GALNT2: variants seen among roughly 807,000 people sequenced by gnomAD.
GALNT2 encodes UDP-GalNAc:polypeptide N-acetylgalactosaminyltransferase 2.
GALNT2 carries 31 observed loss-of-function variants against 81.4 expected under a neutral mutation model. The ratio of observed to expected loss-of-function variants is 0.38; its 90% CI spans 0.29 to 0.51. The LOEUF (loss-of-function observed/expected upper bound fraction) is 0.51, where lower values mean the gene tolerates loss of function less well. GALNT2 is among the 20% of genes least tolerant of loss of function. The pLI, the probability that GALNT2 is intolerant of heterozygous loss-of-function variation, is 0.87. For synonymous variants in GALNT2, 303 were observed against 287.4 expected (o/e 1.05, Z -0.55); for missense variants, 629 against 765.7 (o/e 0.82, Z 2.11).
chr1:230,263,654 C>G (rs986385017), intron 13 of GALNT2: 1 of 152,370 alleles, frequency 6.6e-6, no homozygotes, highest in Non-Finnish European at 1.5e-5. Context: ...TGCTGATAAC[C>G]TCGTGAGAAG....
chr1:230,120,546 C>T (rs959136446), intron 1 of GALNT2, among the ~76,000 whole-genome samples: 4 of 152,158 alleles, frequency 2.6e-5, no homozygotes, highest in Non-Finnish European at 5.9e-5. Flanking sequence ...CGGGCCTCTC[C>T]CCTCCAGTGT....
chr1:230,082,324 G>C (rs561445462), intron 1 of GALNT2, among the ~76,000 whole-genome samples: 1 of 152,320 alleles, frequency 6.6e-6, no homozygotes, highest in Admixed American at 6.5e-5. Flanking sequence ...AAGTTTCCAG[G>C]GGCACCGTAG....
chr1:230,185,527 C>T (rs953741682), intron 2 of GALNT2, among the ~76,000 whole-genome samples: 1 of 151,986 alleles, frequency 6.6e-6, no homozygotes, highest in African/African-American at 2.4e-5. Flanking sequence ...TCTCAGCTTC[C>T]CCCTCTCCAC....
At chr1:230,264,846 C>A in intron 13 of GALNT2, 1 of 159,604 alleles carries the variant, frequency 6.3e-6, no homozygotes, top group Non-Finnish European at 1.4e-5. Context: ...CCCGTCTTTA[C>A]TGGATAAAGG....
intron 4 of GALNT2, 56 bp from the exon 5 acceptor site, chr1:230,236,297 C>T: frequency 1.3e-6 from 2 of 1,555,022 alleles, no homozygotes; most frequent in Non-Finnish European, 1.8e-6. Flanking sequence ...CTACCCCAGG[C>T]TAAAAGTTTA....
chr1:230,279,615 T>C lies in GALNT2; in HGVS notation c.*157T>C. 1.1e-6 allele frequency: 1 copy of C among 910,806 alleles called. No homozygotes were observed. Among genetic ancestry groups the C allele is most frequent in the Non-Finnish European group, 1.6e-6 (1 of 615,734 alleles). The allele number at this position is 910,806 out of a possible 1,614,324, so 56.4% of individuals were successfully genotyped here. A position where few individuals can be genotyped will look rare whatever the true frequency, so the allele number is the denominator to read the frequency against. ...CAAACTTCGGCAAGGCACGGACGAC[T>C]GTGCAGACACAGCAGCGGCAAGAAG... is the stretch of plus-strand genomic sequence containing the variant. On this transcript the variant is annotated 3_prime_UTR_variant, in exon 16 of 16. Transcript: ENST00000366672. The surrounding 1 kb of genome is among the most constrained non-coding windows in gnomAD (Gnocchi z 4.6).
chr1:230,274,339 G>C lies in GALNT2; in HGVS notation c.1441-106G>C, dbSNP rs1006479250. On this transcript the variant is annotated intron_variant, in intron 14 of 15. Coordinates refer to ENST00000366672, the MANE Select transcript of GALNT2 (RefSeq NM_004481.5). Reference sequence around the variant, plus strand: ...GTTGGCTCAGGGGTTCTGAATCTAAGCTCCACCCCGTGACCCATTTCCTTT... The same window carrying C: ...GTTGGCTCAGGGGTTCTGAATCTAACCTCCACCCCGTGACCCATTTCCTTT... 16 of 1,444,268 alleles carry C rather than the reference G, an allele frequency of 1.1e-5. No individual in the cohort carries two copies. The African/African-American group carries it at 2.0e-4, about 18-fold the overall frequency. 89.5% of individuals were successfully genotyped at this position (1,444,268 alleles called of 1,614,324 possible). A position where few individuals can be genotyped will look rare whatever the true frequency, so the allele number is the denominator to read the frequency against.
intron 3 of GALNT2, among the ~76,000 whole-genome samples, chr1:230,225,261 C>T (rs1664672231): frequency 6.6e-6 from 1 of 152,136 alleles, no homozygotes; most frequent in African/African-American, 2.4e-5. Flanking sequence ...CTTCCATTTC[C>T]AGTTTACATT....
intron 1 of GALNT2, among the ~76,000 whole-genome samples, chr1:230,092,825 T>G (rs751862624): frequency 5.9e-5 from 9 of 152,072 alleles, no homozygotes; most frequent in Non-Finnish European, 1.2e-4. Context: ...AGTTTAAAAA[T>G]CTGGGGTCAA....
intron 1 of GALNT2, among the ~76,000 whole-genome samples, chr1:230,162,052 G>C (rs773647835): frequency 1.3e-5 from 2 of 152,104 alleles, no homozygotes; most frequent in African/African-American, 4.8e-5. Context: ...AAATCTTGGC[G>C]CTTCCAGTTC....
At chr1:230,085,143 T>C (rs548411703) in intron 1 of GALNT2, among the ~76,000 whole-genome samples, 1 of 152,238 alleles carries the variant, frequency 6.6e-6, no homozygotes, top group South Asian at 2.1e-4. Flanking sequence ...TTAGCAAAAG[T>C]TTTTATTATT....
chr1:230,209,458 C>T (rs1664166196), intron 3 of GALNT2, among the ~76,000 whole-genome samples: 3 of 152,122 alleles, frequency 2.0e-5, no homozygotes, highest in Admixed American at 1.3e-4. Context: ...AGAACAGGGC[C>T]ACCTGCAAGC....
intron 1 of GALNT2, among the ~76,000 whole-genome samples, chr1:230,087,313 G>A (rs1433469401): frequency 6.6e-6 from 1 of 152,214 alleles, no homozygotes; most frequent in Non-Finnish European, 1.5e-5. Context: ...AATGAAATAT[G>A]TGCAGGGTGA....
At chr1:230,084,410 G>T (rs1162037879) in intron 1 of GALNT2, among the ~76,000 whole-genome samples, 1 of 152,114 alleles carries the variant, frequency 6.6e-6, no homozygotes, top group Non-Finnish European at 1.5e-5. Flanking sequence ...GAGATCCTGG[G>T]GCCAGAATGA....
chr1:230,168,457 G>A (rs1321864351), intron 1 of GALNT2, among the ~76,000 whole-genome samples: 1 of 152,194 alleles, frequency 6.6e-6, no homozygotes, highest in Non-Finnish European at 1.5e-5. Flanking sequence ...TCCTGTCCCC[G>A]GAGCTGAGCT....
chr1:230,175,283 G>GATA (rs1222978438), intron 1 of GALNT2, among the ~76,000 whole-genome samples: 1 of 152,186 alleles, frequency 6.6e-6, no homozygotes, highest in Non-Finnish European at 1.5e-5. Flanking sequence ...TTAGTTGAGG[G>GATA]AGGGAGGAAG....
intron 1 of GALNT2, among the ~76,000 whole-genome samples, chr1:230,155,594 C>A (rs1572027951): frequency 6.6e-6 from 1 of 152,272 alleles, no homozygotes; most frequent in East Asian, 1.9e-4. Context: ...AGGGACAGGG[C>A]AGGACTCTCC....
rs769786670 is a variant in GALNT2, at chr1:230,067,315, C to T, written c.35C>T (p.Ala12Val). Residue 12 changes from alanine to valine, a missense_variant, in exon 1 of 16, where the codon GCC (alanine) becomes GTC (valine). By Grantham distance (64) the Ala-to-Val change is moderately conservative. Around this residue, in one of 3 missense-constraint regions of GALNT2, gnomAD observed 62 missense variants for 47.3 expected, o/e 1.31. Coordinates refer to ENST00000366672, the MANE Select transcript of GALNT2 (RefSeq NM_004481.5). ...RRRSRMLLCF[A>V]FLWVLGIAYY... ...CGCTCGCGGATGCTGCTCTGCTTCG[C>T]CTTCCTGTGGGTGCTGGGCATCGCC... 5.1e-6 allele frequency: 7 copies of T among 1,385,362 alleles called. No individual in the cohort carries two copies. The highest frequency in any genetic ancestry group is 5.7e-6 in the Non-Finnish European group (6 of 1,056,164). The allele number at this position is 1,385,362 out of a possible 1,614,324, so 85.8% of individuals were successfully genotyped here. A position where few individuals can be genotyped will look rare whatever the true frequency, so the allele number is the denominator to read the frequency against.
At chr1:230,064,006 T>C (rs1399697726), upstream of GALNT2, among the ~76,000 whole-genome samples, 3 of 152,252 alleles carry the variant, frequency 2.0e-5, no homozygotes, top group Non-Finnish European at 2.9e-5. Flanking sequence ...TTATTTGGTA[T>C]GTATTCTTTG....
Sources: allele counts gnomAD v4.1 joint callset (sites outside exome capture counted in the v4.1 genomes callset), GRCh38; gene constraint gnomAD v4.1.1; regional missense constraint gnomAD v4.1.1; non-coding constraint Gnocchi (gnomAD v3.1); transcripts MANE v1.5; gene names NCBI Gene and HGNC (gene_info 2026-07-23, HGNC 2026-07-21).